Variants in SPATA7 observed in about 807,000 individuals in gnomAD.
SPATA7 encodes spermatogenesis-associated protein 7.
In SPATA7, 43 loss-of-function variants were observed where a neutral mutation model predicts 51.8. The observed-to-expected ratio is 0.83, with a 90% CI of 0.65 to 1.07. The LOEUF (loss-of-function observed/expected upper bound fraction) is 1.07, where lower values mean the gene tolerates loss of function less well. SPATA7 is among the 50% of genes least tolerant of loss of function. The pLI, the probability that SPATA7 is intolerant of heterozygous loss-of-function variation, is 0.00. For missense variants in SPATA7, 683 were observed against 701.3 expected, an observed-to-expected ratio of 0.97 and a Z score of 0.30; for synonymous variants, 230 against 252.8, an observed-to-expected ratio of 0.91 and a Z score of 0.86.
At chr14:88,452,284 C>A (rs1402911126) in intron 3 of SPATA7, among the ~76,000 whole-genome samples, 4 of 152,184 alleles carry the variant, frequency 2.6e-5, no homozygotes, top group Non-Finnish European at 5.9e-5. Context: ...ATCTTCAGGT[C>A]TTTCAGCCAT....
At chr14:88,391,345 T>C (rs755358788) in intron 1 of SPATA7, 36 bp from the exon 2 acceptor site, 1 of 1,521,338 alleles carries the variant, frequency 6.6e-7, no homozygotes, top group East Asian at 2.3e-5. Context: ...TGTGTTTCAT[T>C]TATCCTAATT....
At position 88,450,921 on chromosome 14, in the gene SPATA7, C is replaced by T. The variant is rs552129473; in HGVS notation, c.178-4139C>T. Among the ~76,000 whole-genome samples, 3 of 152,252 alleles carry T rather than the reference C, an allele frequency of 2.0e-5. No individual in the cohort carries two copies. In the South Asian group the frequency reaches 6.2e-4, roughly 32 times the overall value. Reference sequence around the variant, plus strand: ...AAACTTTTAGATTTATCTTCTTCCTCAGGAACACCAATTATTCTTAGGTTT... The same window carrying T: ...AAACTTTTAGATTTATCTTCTTCCTTAGGAACACCAATTATTCTTAGGTTT... On this transcript the variant is annotated intron_variant, in intron 3 of 3. Coordinates refer to the SPATA7 transcript ENST00000554802.
Position 88,434,617 on chromosome 14 carries a change from C to T in SPATA7, c.1160+1405C>T, listed in dbSNP as rs549039212. 3.4e-5 allele frequency among the ~76,000 whole-genome samples: 5 copies of T among 148,730 alleles called. No homozygotes were observed. The East Asian group carries it at 6.0e-4, about 18-fold the overall frequency. ...GGAGAATCGCTTGAACCCCGCAAGGCGGAGGTTGCAGTGAGCTGAGATCGC... is the reference window on the plus strand; with the variant it reads ...GGAGAATCGCTTGAACCCCGCAAGGTGGAGGTTGCAGTGAGCTGAGATCGC... On this transcript the variant is annotated intron_variant, in intron 10 of 11. Coordinates refer to ENST00000393545, the MANE Select transcript of SPATA7 (RefSeq NM_018418.5).
At chr14:88,442,464 T>G (rs2140037127), downstream of SPATA7, among the ~76,000 whole-genome samples, 1 of 152,298 alleles carries the variant, frequency 6.6e-6, no homozygotes, top group South Asian at 2.1e-4. Flanking sequence ...GGTATGTTCC[T>G]TCTATGCTGA....
Position 88,438,013 on chromosome 14 carries a change from G to A in SPATA7, c.1391G>A (p.Arg464His), listed in dbSNP as rs748143898. 3.1e-5 allele frequency: 50 copies of A among 1,613,900 alleles called. No homozygotes were observed. Among genetic ancestry groups the A allele is most frequent in the African/African-American group, 5.3e-5 (4 of 74,902 alleles). Residue 464 changes from arginine to histidine, a missense_variant, in exon 12 of 12, where the codon CGT becomes CAT. By Grantham distance (29) the Arg-to-His change is conservative (BLOSUM62 0). Transcript: ENST00000393545. The stretch of plus-strand genomic sequence containing the variant: ...AGTGAAGTAACAATTCAGCAGGAAC[G>A]TCAACAATACCAAAAGGCTTTGGAT... ...NESEVTIQQERQQYQKALDML... is the reference protein window; with the variant it reads ...NESEVTIQQEHQQYQKALDML...
rs756285093 is a variant in SPATA7 at position 88,393,491 on chromosome 14, A to G, written c.190+3A>G. The stretch of plus-strand genomic sequence containing the variant: ...TAATAAAATCCTTTCAGCCAAAGGT[A>G]AAAATGTGCAAATGTGAACTCTCTG... On this transcript the variant is annotated splice_donor_region_variant and intron_variant, in intron 3 of 11. Transcript: ENST00000393545. 1.5e-5 allele frequency: 23 copies of G among 1,585,800 alleles called. No individual in the cohort carries two copies. Among genetic ancestry groups the G allele is most frequent in the Admixed American group, 6.9e-5 (4 of 58,078 alleles).
intron 3 of SPATA7, 46 bp downstream of exon 3, chr14:88,393,534 C>G: frequency 1.5e-6 from 2 of 1,308,174 alleles, no homozygotes; most frequent in Non-Finnish European, 2.2e-6. Flanking sequence ...TTTAAACCTC[C>G]AGCTTCACTT....
intron 3 of SPATA7, among the ~76,000 whole-genome samples, chr14:88,395,510 T>C (rs941458431): frequency 2.0e-5 from 3 of 152,030 alleles, no homozygotes; most frequent in African/African-American, 7.2e-5. Flanking sequence ...TTTCTTAATA[T>C]GTTTTCTTCT....
intron 4 of SPATA7, among the ~76,000 whole-genome samples, chr14:88,397,226 A>G (rs898091361): frequency 2.0e-5 from 3 of 152,140 alleles, no homozygotes; most frequent in Non-Finnish European, 2.9e-5. Context: ...ACCATTTTCC[A>G]TTATGACTAA....
intron 8 of SPATA7, among the ~76,000 whole-genome samples, chr14:88,430,011 C>T (rs1211857161): frequency 1.3e-5 from 2 of 151,818 alleles, no homozygotes; most frequent in African/African-American, 4.8e-5. Flanking sequence ...AAAAACTACT[C>T]ATCATGTTGA....
At chr14:88,448,647 G>A (rs1875610886) in intron 3 of SPATA7, among the ~76,000 whole-genome samples, 1 of 152,162 alleles carries the variant, frequency 6.6e-6, no homozygotes, top group Admixed American at 6.5e-5. Context: ...TGATGGTGAT[G>A]TACAGATGTG....
chr14:88,456,004 C>T (rs575071901), downstream of SPATA7, among the ~76,000 whole-genome samples: 1 of 151,506 alleles, frequency 6.6e-6, no homozygotes, highest in Admixed American at 6.6e-5. Context: ...CGATAGTTTG[C>T]TGAGAATGAT....
chr14:88,393,536 G>T (rs746895595), intron 3 of SPATA7, 48 bp downstream of exon 3: 4 of 1,296,298 alleles, frequency 3.1e-6, no homozygotes, highest in Admixed American at 3.8e-5. Flanking sequence ...TAAACCTCCA[G>T]CTTCACTTCT....
intron 2 of SPATA7, among the ~76,000 whole-genome samples, chr14:88,392,801 A>G (rs940719389): frequency 5.9e-5 from 9 of 151,858 alleles, no homozygotes; most frequent in African/African-American, 1.9e-4. Flanking sequence ...GTGCTTAACT[A>G]TTTCTAAGAT....
intron 4 of SPATA7, among the ~76,000 whole-genome samples, chr14:88,460,870 C>T (rs1001655104): frequency 1.1e-4 from 16 of 152,168 alleles, no homozygotes; most frequent in South Asian, 2.1e-4. Context: ...ATGATGGTGA[C>T]GTACAGATGG....
At chr14:88,396,935 C>T (rs147490423) in intron 4 of SPATA7, among the ~76,000 whole-genome samples, 1 of 146,778 alleles carries the variant, frequency 6.8e-6, no homozygotes, top group African/African-American at 2.5e-5. Flanking sequence ...TGCAGTGGAA[C>T]GATCTCACCT....
intron 3 of SPATA7, among the ~76,000 whole-genome samples, chr14:88,448,999 T>C (rs1273900400): frequency 6.6e-6 from 1 of 152,206 alleles, no homozygotes; most frequent in Non-Finnish European, 1.5e-5. Flanking sequence ...TTCATTTCTC[T>C]TTTCAAAGAA....
At chr14:88,440,513 A>G (rs2077171296), downstream of SPATA7, among the ~76,000 whole-genome samples, 1 of 152,012 alleles carries the variant, frequency 6.6e-6, no homozygotes, top group Non-Finnish European at 1.5e-5. Flanking sequence ...CAGCACTTAA[A>G]CTCTTCTAGC....
At chr14:88,385,917 G>C in intron 1 of SPATA7, 80 bp downstream of exon 1, 2 of 1,492,134 alleles carry the variant, frequency 1.3e-6, no homozygotes, top group Non-Finnish European at 1.8e-6. Context: ...CCGGGCAGCT[G>C]AGTGCAAGGC....
Sources: gnomAD v4.1 joint callset for allele counts (sites outside exome capture counted in the v4.1 genomes callset) on GRCh38, gnomAD v4.1.1 for gene constraint, MANE v1.5 for transcripts, NCBI Gene and HGNC (gene_info 2026-07-23, HGNC 2026-07-21) for gene names.